Variants in RBPJ observed in about 807,000 individuals in gnomAD.
The protein encoded by RBPJ is recombination signal binding protein for immunoglobulin kappa J region, also known as recombining binding protein suppressor of hairless.
In RBPJ, 9 loss-of-function variants were observed where a neutral mutation model predicts 67.8. The ratio of observed to expected loss-of-function variants is 0.13; its 90% CI spans 0.08 to 0.23. The LOEUF (loss-of-function observed/expected upper bound fraction) is 0.23. RBPJ is among the 10% of genes least tolerant of loss of function. The pLI is 1.00. For synonymous variants in RBPJ, 198 were observed against 203.3 expected, an observed-to-expected ratio of 0.97 and a Z score of 0.22; for missense variants, 305 against 595.6, an observed-to-expected ratio of 0.51 and a Z score of 5.08.
At chr4:26,242,739 TTTTA>T (rs1404960605) in intron 1 of RBPJ, among the ~76,000 whole-genome samples, 2 of 149,372 alleles carry the variant, frequency 1.3e-5, no homozygotes, top group Non-Finnish European at 3.0e-5. Context: ...TCCAAGTTTA[TTTTA>T]TTTAAGAGTC....
chr4:26,293,914 C>A (rs1307167286), intron 1 of RBPJ, among the ~76,000 whole-genome samples: 8 of 150,922 alleles, frequency 5.3e-5, no homozygotes, highest in African/African-American at 2.0e-4. Context: ...TGTGCCACCA[C>A]ACTCAGCTAA....
the RBPJ span, among the ~76,000 whole-genome samples, chr4:26,135,761 G>T: frequency 1.3e-5 from 2 of 152,144 alleles, no homozygotes; most frequent in African/African-American, 2.4e-5. Context: ...TTCACAGCTC[G>T]CCTGGGAAGT....
chr4:26,169,592 C>T (rs936404806), intron 1 of RBPJ, among the ~76,000 whole-genome samples: 1 of 152,226 alleles, frequency 6.6e-6, no homozygotes, highest in Admixed American at 6.5e-5. Flanking sequence ...AGAACCACTG[C>T]TCTACTCAAA....
intron 1 of RBPJ, among the ~76,000 whole-genome samples, chr4:26,270,317 G>A (rs1210684649): frequency 1.9e-5 from 2 of 105,876 alleles, no homozygotes; most frequent in African/African-American, 3.8e-5. Context: ...GGGAGGAGGG[G>A]AGGGGAGGAG....
intron 1 of RBPJ, among the ~76,000 whole-genome samples, chr4:26,255,193 A>G (rs1168208316): frequency 1.4e-3 from 189 of 135,984 alleles, no homozygotes; most frequent in African/African-American, 2.4e-3. Context: ...TCACGAGGTC[A>G]GGAGATCGGG....
At chr4:26,401,440 G>T (rs1191010175) in intron 2 of RBPJ, among the ~76,000 whole-genome samples, 1 of 152,196 alleles carries the variant, frequency 6.6e-6, no homozygotes, top group African/African-American at 2.4e-5. Context: ...AAGGTCATTG[G>T]TTATGTTAAT....
intron 1 of RBPJ, among the ~76,000 whole-genome samples, chr4:26,327,260 C>T (rs185100970): frequency 6.6e-6 from 1 of 152,176 alleles, no homozygotes; most frequent in Non-Finnish European, 1.5e-5. Context: ...TTGGGGAAGG[C>T]GTCACAGGCA....
intron 1 of RBPJ, among the ~76,000 whole-genome samples, chr4:26,374,373 T>C (rs1729490113): frequency 6.6e-6 from 1 of 152,218 alleles, no homozygotes. Context: ...AGATTTTTTG[T>C]TGCCTCCCTC....
the RBPJ span, among the ~76,000 whole-genome samples, chr4:26,144,960 G>T: frequency 6.6e-6 from 1 of 151,696 alleles, no homozygotes. Flanking sequence ...AACCATACTG[G>T]GTTTTCAGGC....
chr4:26,196,642 C>T (rs1717774515), intron 1 of RBPJ, among the ~76,000 whole-genome samples: 1 of 152,130 alleles, frequency 6.6e-6, no homozygotes. Context: ...TTTCTGACTT[C>T]GAATTCCACA....
At chr4:26,242,446 CAA>C (rs111654269) in intron 1 of RBPJ, among the ~76,000 whole-genome samples, 33 of 112,084 alleles carry the variant, frequency 2.9e-4, no homozygotes, top group Non-Finnish European at 3.4e-4. Flanking sequence ...GACTCTGTCT[CAA>C]AAAAAAAAAA....
the RBPJ span, among the ~76,000 whole-genome samples, chr4:26,137,025 A>G: frequency 6.6e-6 from 1 of 152,214 alleles, no homozygotes; most frequent in Non-Finnish European, 1.5e-5. Flanking sequence ...CAGAAGCTTC[A>G]CAAATGGGGG....
chr4:26,215,850 G>T (rs1033780569), intron 1 of RBPJ, among the ~76,000 whole-genome samples: 1 of 151,752 alleles, frequency 6.6e-6, no homozygotes, highest in Admixed American at 6.6e-5. Context: ...GATTGAATTT[G>T]TTCAGTGCCG....
At chr4:26,116,575 A>T in the RBPJ span, among the ~76,000 whole-genome samples, 12 of 152,222 alleles carry the variant, frequency 7.9e-5, no homozygotes, top group Non-Finnish European at 1.3e-4. Context: ...TCCCCGGGAC[A>T]TGCCATGTTT....
intron 1 of RBPJ, among the ~76,000 whole-genome samples, chr4:26,350,196 T>C (rs1726654564): frequency 6.6e-6 from 1 of 152,200 alleles, no homozygotes; most frequent in Non-Finnish European, 1.5e-5. Context: ...CAGCAAAGAC[T>C]ATAAGCTAAG....
At chr4:26,109,490 A>ACAGCCAG in the RBPJ span, among the ~76,000 whole-genome samples, 1 of 72,880 alleles carries the variant, frequency 1.4e-5, no homozygotes, top group African/African-American at 5.9e-5. Flanking sequence ...ATATATATAT[A>ACAGCCAG]TACACACACA....
upstream of RBPJ, among the ~76,000 whole-genome samples, chr4:26,159,644 AG>A (rs1011967996): frequency 3.0e-4 from 46 of 152,380 alleles, no homozygotes; most frequent in East Asian, 2.5e-3. Context: ...GCGTGTTTAT[AG>A]TACCTCCATG....
intron 1 of RBPJ, among the ~76,000 whole-genome samples, chr4:26,382,064 C>T (rs1730383990): frequency 6.6e-6 from 1 of 152,048 alleles, no homozygotes; most frequent in African/African-American, 2.4e-5. Flanking sequence ...GTTAAATACA[C>T]CATATACCTA....
chr4:26,170,660 C>T (rs2109117451), intron 1 of RBPJ, among the ~76,000 whole-genome samples: 1 of 152,120 alleles, frequency 6.6e-6, no homozygotes, highest in East Asian at 1.9e-4. Context: ...GAATGTGATT[C>T]AACCAATCAG....
Sources: gnomAD v4.1 joint callset for allele counts (sites outside exome capture counted in the v4.1 genomes callset) on GRCh38, gnomAD v4.1.1 for gene constraint, MANE v1.5 for transcripts, NCBI Gene and HGNC (gene_info 2026-07-23, HGNC 2026-07-21) for gene names.